Variants in GABBR2 observed in about 807,000 individuals in gnomAD.
The protein encoded by GABBR2 is G-protein coupled receptor 51.
A neutral mutation model predicts 105.6 loss-of-function variants in GABBR2; 23 were observed. The ratio of observed to expected loss-of-function variants is 0.22; its 90% CI spans 0.16 to 0.31. GABBR2 has a LOEUF of 0.31. Among genes scored for constraint, GABBR2 ranks in the 10% least tolerant of loss-of-function variants. GABBR2 has a pLI of 1.00. For synonymous variants in GABBR2, 478 were observed against 499.7 expected (o/e 0.96, Z 0.58); for missense variants, 734 against 1,245.5 (o/e 0.59, Z 6.18).
At chr9:98,602,330 G>T (rs959527244) in intron 1 of GABBR2, among the ~76,000 whole-genome samples, 2 of 151,774 alleles carry the variant, frequency 1.3e-5, no homozygotes, top group African/African-American at 4.8e-5. Flanking sequence ...AAATCAGCTG[G>T]GCGTGGTGGC....
At chr9:98,539,140 C>T (rs987652249) in intron 3 of GABBR2, among the ~76,000 whole-genome samples, 1 of 152,228 alleles carries the variant, frequency 6.6e-6, no homozygotes, top group Non-Finnish European at 1.5e-5. Context: ...GCTTCCAGCC[C>T]TGCCTGGGCT....
At chr9:98,490,709 A>C (rs933354755) in intron 4 of GABBR2, among the ~76,000 whole-genome samples, 9 of 152,160 alleles carry the variant, frequency 5.9e-5, no homozygotes, top group Non-Finnish European at 1.3e-4. Context: ...CACTTTGGGG[A>C]AGGTGCATGA....
intron 3 of GABBR2, among the ~76,000 whole-genome samples, chr9:98,533,036 T>C (rs562458525): frequency 2.0e-5 from 3 of 152,188 alleles, no homozygotes; most frequent in South Asian, 4.1e-4. Context: ...CAACAAACAA[T>C]GTCACATCCA....
chr9:98,524,065 AG>A (rs1827914813), intron 3 of GABBR2, among the ~76,000 whole-genome samples: 1 of 152,222 alleles, frequency 6.6e-6, no homozygotes, highest in Non-Finnish European at 1.5e-5. Context: ...AAGATCCCAA[AG>A]AAATGGACTA....
rs189719070 is a variant in GABBR2 at position 98,585,946 on chromosome 9, G to C, written c.322-7874C>G. On this transcript the variant is annotated intron_variant, in intron 1 of 18. Coordinates refer to ENST00000259455, the MANE Select transcript of GABBR2 (RefSeq NM_005458.8). ...AAATCTGAAACATTTCTAGACCCAA[G>C]TATTTTGGATAAGGGGTACTCAACC... is the stretch of plus-strand genomic sequence containing the variant. 1.1e-3 allele frequency among the ~76,000 whole-genome samples: 39 copies of C among 34,466 alleles called. 14 individuals are homozygous for C. The highest frequency in any genetic ancestry group is 4.0e-3 in the African/African-American group (36 of 9,078). 22.6% of individuals were successfully genotyped at this position (34,466 alleles called of 152,430 possible).
chr9:98,394,333 C>A, intron 8 of GABBR2, 78 bp from the exon 9 acceptor site: 1 of 978,056 alleles, frequency 1.0e-6, no homozygotes, highest in Non-Finnish European at 1.7e-6. Flanking sequence ...CAGGCTCTTG[C>A]TCCCCTCACA....
chr9:98,361,627 T>C (rs552437022), intron 13 of GABBR2, among the ~76,000 whole-genome samples: 87 of 152,308 alleles, frequency 5.7e-4, no homozygotes, highest in African/African-American at 1.9e-3. Context: ...ATAGCCTGTC[T>C]GCTCGAGTGG....
intron 2 of GABBR2, among the ~76,000 whole-genome samples, chr9:98,558,219 A>G (rs1201817677): frequency 2.6e-5 from 4 of 152,224 alleles, no homozygotes; most frequent in African/African-American, 9.7e-5. Flanking sequence ...AAAACAAAGC[A>G]AAAAACCTTT....
chr9:98,350,286 G>T (rs1384232195), intron 13 of GABBR2, among the ~76,000 whole-genome samples: 3 of 149,678 alleles, frequency 2.0e-5, no homozygotes, highest in Non-Finnish European at 4.4e-5. Context: ...TATTAATTTT[G>T]AATTTATTTT....
rs533899040 is a variant in GABBR2 at position 98,643,319 on chromosome 9, G to A, written c.321+65098C>T. 1.3e-4 allele frequency among the ~76,000 whole-genome samples: 20 copies of A among 152,032 alleles called. No individual in the cohort carries two copies. In the East Asian group the frequency reaches 3.9e-3, roughly 30 times the overall value. ...GGCAGCGACAGGGGTGGCTACACAGGTTCTAGACAAAAGTCATTTCCTCCA... is the reference window on the plus strand; with the variant it reads ...GGCAGCGACAGGGGTGGCTACACAGATTCTAGACAAAAGTCATTTCCTCCA... On this transcript the variant is annotated intron_variant, in intron 1 of 18. Coordinates refer to ENST00000259455, the MANE Select transcript of GABBR2 (RefSeq NM_005458.8).
At chr9:98,429,330 C>T (rs181171895) in intron 7 of GABBR2, among the ~76,000 whole-genome samples, 7 of 152,036 alleles carry the variant, frequency 4.6e-5, no homozygotes, top group East Asian at 1.9e-4. Context: ...AGTAGAGGAC[C>T]GGGTTTCACC....
intron 13 of GABBR2, among the ~76,000 whole-genome samples, chr9:98,324,625 T>C (rs1431506267): frequency 6.6e-6 from 1 of 151,936 alleles, no homozygotes; most frequent in Admixed American, 6.6e-5. Context: ...GCCACAAAAG[T>C]GCAATGTTGC....
At chr9:98,305,180 A>G (rs933941713) in intron 15 of GABBR2, among the ~76,000 whole-genome samples, 4 of 152,114 alleles carry the variant, frequency 2.6e-5, no homozygotes, top group Non-Finnish European at 5.9e-5. Flanking sequence ...CACCCATTGC[A>G]AGGTAGGATG....
At chr9:98,476,748 T>C (rs1826802153) in intron 5 of GABBR2, among the ~76,000 whole-genome samples, 1 of 152,232 alleles carries the variant, frequency 6.6e-6, no homozygotes, top group African/African-American at 2.4e-5. Flanking sequence ...CCACTTTTCA[T>C]GGCTTTTTGT....
At chr9:98,359,743 T>G (rs1831549853) in intron 13 of GABBR2, among the ~76,000 whole-genome samples, 1 of 152,232 alleles carries the variant, frequency 6.6e-6, no homozygotes, top group Non-Finnish European at 1.5e-5. Context: ...CATGGCTACC[T>G]GTGTCTTCCC....
At chr9:98,369,146 C>A (rs1221900024) in intron 12 of GABBR2, among the ~76,000 whole-genome samples, 1 of 152,328 alleles carries the variant, frequency 6.6e-6, no homozygotes, top group East Asian at 1.9e-4. Flanking sequence ...AGCTGAGGAA[C>A]ACTGGGGTGG....
rs116837035 is a variant in GABBR2 at position 98,579,919 on chromosome 9, G to A, written c.322-1847C>T. On this transcript the variant is annotated intron_variant, in intron 1 of 18. Transcript: ENST00000259455. ...ATTGATTGAGCAAAGTTCTATTCCCGCAGTCAGATGACCCTTAGGCAGGAC... is the reference window on the plus strand; with the variant it reads ...ATTGATTGAGCAAAGTTCTATTCCCACAGTCAGATGACCCTTAGGCAGGAC... Among the ~76,000 whole-genome samples the A allele has an allele frequency of 1.2e-3, 180 of 152,250 alleles. 1 individual carries two copies. Among genetic ancestry groups the A allele is most frequent in the African/African-American group, 4.0e-3 (168 of 41,544 alleles).
rs561520366 is a variant in GABBR2, at chr9:98,653,056, G to C, written c.321+55361C>G. On this transcript the variant is annotated intron_variant, in intron 1 of 18. Transcript: ENST00000259455. Reference sequence around the variant, plus strand: ...CTGTTACCCAGGCTGGAGTGCAGTGGCACAATCATAGCCCACTGCAGCCTC... The same window carrying C: ...CTGTTACCCAGGCTGGAGTGCAGTGCCACAATCATAGCCCACTGCAGCCTC... Among the ~76,000 whole-genome samples, 6 of 152,314 alleles carry C rather than the reference G, an allele frequency of 3.9e-5. No individual in the cohort carries two copies. The East Asian group carries it at 9.6e-4, about 24-fold the overall frequency.
chr9:98,299,522 C>A (rs1036247278), intron 16 of GABBR2, among the ~76,000 whole-genome samples, 169 bp from the exon 17 acceptor site: 2 of 152,142 alleles, frequency 1.3e-5, no homozygotes, highest in Non-Finnish European at 2.9e-5. Flanking sequence ...AGGATCCTGG[C>A]GGCTCTTTGT....
Sources: gnomAD v4.1 joint callset for allele counts (sites outside exome capture counted in the v4.1 genomes callset) on GRCh38, gnomAD v4.1.1 for gene constraint, MANE v1.5 for transcripts, NCBI Gene and HGNC (gene_info 2026-07-23, HGNC 2026-07-21) for gene names.